The following CLCN1 variants were observed in gnomAD, a reference collection of about 807,000 sequenced individuals.
The protein encoded by CLCN1 is chloride voltage-gated channel 1.
Under a neutral mutation model 114.5 loss-of-function variants are expected in CLCN1, and 100 were observed. The ratio of observed to expected loss-of-function variants is 0.87; its 90% CI spans 0.74 to 1.03. The LOEUF (loss-of-function observed/expected upper bound fraction) is 1.03. Among genes scored for constraint, CLCN1 ranks in the 50% least tolerant of loss-of-function variants. CLCN1 has a pLI of 0.00. For synonymous variants in CLCN1, 485 were observed against 487.1 expected, an observed-to-expected ratio of 1.00 and a Z score of 0.06; for missense variants, 1,188 against 1,250.0, an observed-to-expected ratio of 0.95 and a Z score of 0.75.
chr7:143,316,364 GC>G lies in CLCN1; in HGVS notation c.157del (p.Arg53AlafsTer24). On this transcript the variant is annotated frameshift_variant, in exon 1 of 23. Coordinates refer to ENST00000343257, the MANE Select transcript of CLCN1 (RefSeq NM_000083.3). LOFTEE classifies it high-confidence loss of function. ...GLQHRLRKDAGPRHNVHPTQI... is the reference protein window; with the variant it reads ...GLQHRLRKDAXPRHNVHPTQI... ...CAGCACAGGCTCCGGAAGGATGCAGGCCCCCGCCACAACGTCCACCCCACAC... is the reference window on the plus strand; with the variant it reads ...CAGCACAGGCTCCGGAAGGATGCAGGCCCCGCCACAACGTCCACCCCACAC... 6.4e-7 allele frequency: 1 copy of G among 1,566,658 alleles called. No homozygotes were observed.
In CLCN1 at chr7:143,330,799, C is replaced by T; in HGVS notation, c.881C>T (p.Ser294Phe). 6.2e-7 allele frequency: 1 copy of T among 1,614,196 alleles called. No homozygotes were observed. Among genetic ancestry groups the T allele is most frequent in the African/African-American group, 1.3e-5 (1 of 75,050 alleles). Residue 294 changes from serine (S) to phenylalanine (F), a missense_variant, in exon 8 of 23, where the codon TCC becomes TTC. Transcript: ENST00000343257. ...GTGCTATTTAGCATCGAGGTCACCT[C>T]CACCTACTTTGCTGTTCGGAACTAC... ...GGVLFSIEVT[S>F]TYFAVRNYWR...
intron 6 of CLCN1, chr7:143,323,601 C>T: frequency 2.9e-6 from 2 of 681,946 alleles, no homozygotes; most frequent in Non-Finnish European, 5.5e-6. Context: ...ATGTCCACCC[C>T]TCTTTCACCT....
At chr7:143,335,343 CAT>C (rs1355765660) in intron 12 of CLCN1, among the ~76,000 whole-genome samples, 1 of 152,116 alleles carries the variant, frequency 6.6e-6, no homozygotes, top group African/African-American at 2.4e-5. Flanking sequence ...GGAAAAGAAA[CAT>C]ATACTTCCTG....
chr7:143,320,609 G>A, intron 2 of CLCN1, 55 bp from the exon 3 acceptor site: 1 of 1,172,366 alleles, frequency 8.5e-7, no homozygotes, highest in East Asian at 2.5e-5. Context: ...ATATATTTTT[G>A]TTTGTTTGTT....
At chr7:143,349,631 AC>A (rs1803343108) in intron 20 of CLCN1, among the ~76,000 whole-genome samples, 1 of 152,198 alleles carries the variant, frequency 6.6e-6, no homozygotes, top group African/African-American at 2.4e-5. Flanking sequence ...AAACAAACAA[AC>A]AAAAACTGGC....
intron 14 of CLCN1, 58 bp from the exon 15 acceptor site, chr7:143,341,871 G>A: frequency 7.3e-7 from 1 of 1,369,562 alleles, no homozygotes; most frequent in Non-Finnish European, 1.0e-6. Context: ...ATCCCCATAT[G>A]TCCTTCATGC....
chr7:143,321,545 C>G lies in CLCN1; in HGVS notation c.562+52C>G. On this transcript the variant is annotated intron_variant, in intron 4 of 22. Transcript: ENST00000343257. This position sits in a 1 kb window ranked among gnomAD's most constrained non-coding sequence, Gnocchi z 4.2. ...TGAGCTGGGTGGCCTGAGAGGGGCC[C>G]TGTCTGTCTCCCCCATCATCCAGCC... The G allele has an allele frequency of 6.2e-7, 1 of 1,613,114 alleles. No homozygotes were observed. The highest frequency in any genetic ancestry group is 8.5e-7 in the Non-Finnish European group (1 of 1,179,784).
chr7:143,339,324 T>C lies in CLCN1; in HGVS notation c.1471+2T>C. The C allele has an allele frequency of 6.2e-7, 1 of 1,609,962 alleles. No individual in the cohort carries two copies. Among genetic ancestry groups the C allele is most frequent in the Non-Finnish European group, 8.5e-7 (1 of 1,176,192 alleles). On this transcript the variant is annotated splice_donor_variant, in intron 13 of 22. Transcript: ENST00000343257. LOFTEE classifies it high-confidence loss of function. This position sits in a 1 kb window ranked among gnomAD's most constrained non-coding sequence, Gnocchi z 4.1. ...GCTTCATGCCTGTGTTTGTGCTAGG[T>C]AAGTTCTGATGGGAAGCCTGGGGTC...
At chr7:143,349,563 G>A (rs796478121) in intron 20 of CLCN1, among the ~76,000 whole-genome samples, 17 of 152,346 alleles carry the variant, frequency 1.1e-4, no homozygotes, top group African/African-American at 3.8e-4. Context: ...TTTGGTGTGC[G>A]TATCTAAAGT....
rs531170313 is a variant in CLCN1 at position 143,325,560 on chromosome 7, G to A, written c.853+1068G>A. On this transcript the variant is annotated intron_variant, in intron 7 of 22. Coordinates refer to ENST00000343257, the MANE Select transcript of CLCN1 (RefSeq NM_000083.3). ...AAATCACTAATCCTTGTCAGTGGAG[G>A]ATAGTGTATTTGGATTTTTGCACAT... Among the ~76,000 whole-genome samples, 4 of 152,314 alleles carry A rather than the reference G, an allele frequency of 2.6e-5. No homozygotes were observed. The South Asian group carries it at 8.3e-4, about 32-fold the overall frequency.
chr7:143,335,020 C>T (rs753378293), intron 12 of CLCN1, among the ~76,000 whole-genome samples: 1 of 152,146 alleles, frequency 6.6e-6, no homozygotes, highest in Non-Finnish European at 1.5e-5. Context: ...GGACGGTAGT[C>T]CAATGATGAT....
Position 143,342,376 on chromosome 7 carries a change from T to C in CLCN1, c.1801T>C (p.Tyr601His), listed in dbSNP as rs545129217. The C allele has an allele frequency of 1.2e-6, 2 of 1,614,142 alleles. No individual in the cohort carries two copies. Among genetic ancestry groups the C allele is most frequent in the East Asian group, 2.2e-5 (1 of 44,888 alleles). The part of the protein sequence containing the change: ...PDLGWNQLSK[Y>H]TIFVEDIMVR... Reference sequence around the variant, plus strand: ...CCATGCTTTCTCCCTCCATAGCAAATATACCATCTTTGTTGAGGACATCAT... The same window carrying C: ...CCATGCTTTCTCCCTCCATAGCAAACATACCATCTTTGTTGAGGACATCAT... The change falls in exon 16 of 23, where the codon TAT (tyrosine) becomes CAT (histidine). Residue 601 changes from tyrosine to histidine, a missense_variant. Coordinates refer to ENST00000343257, the MANE Select transcript of CLCN1 (RefSeq NM_000083.3).
intron 14 of CLCN1, among the ~76,000 whole-genome samples, chr7:143,341,338 C>G (rs1310656795): frequency 6.6e-6 from 1 of 152,052 alleles, no homozygotes; most frequent in African/African-American, 2.4e-5. Flanking sequence ...GCAGGCAGAT[C>G]ACTTGAGGCC....
At position 143,320,684 on chromosome 7, in the gene CLCN1, C is replaced by G; in HGVS notation, c.322C>G (p.Gln108Glu). 1 of 1,613,294 alleles carries G rather than the reference C, an allele frequency of 6.2e-7. No individual in the cohort carries two copies. Among genetic ancestry groups the G allele is most frequent in the Non-Finnish European group, 8.5e-7 (1 of 1,179,622 alleles). ...CCTAGATTGTATCCACCGCCTGGGACAGGTGGTGAGAAGAAAATTAGGGGA... is the reference window on the plus strand; with the variant it reads ...CCTAGATTGTATCCACCGCCTGGGAGAGGTGGTGAGAAGAAAATTAGGGGA... The part of the protein sequence containing the change: ...KCQDCIHRLG[Q>E]VVRRKLGEDG... The change falls in exon 3 of 23, where the codon CAG (glutamine) becomes GAG (glutamate). Residue 108 changes from glutamine to glutamate, a missense_variant. Transcript: ENST00000343257.
intron 1 of CLCN1, among the ~76,000 whole-genome samples, chr7:143,318,294 C>T (rs2116832383): frequency 6.6e-6 from 1 of 152,270 alleles, no homozygotes; most frequent in Non-Finnish European, 1.5e-5. Flanking sequence ...GCGATCTCAG[C>T]TCACCGCAAT....
rs1803111906 is a variant in CLCN1 at position 143,342,494 on chromosome 7, T to G, written c.1919T>G (p.Val640Gly). The change falls in exon 16 of 23, where the codon GTT becomes GGT. Residue 640 changes from valine (V) to glycine (G), a missense_variant. Val to Gly is a moderately radical substitution (Grantham distance 109). Coordinates refer to ENST00000343257, the MANE Select transcript of CLCN1 (RefSeq NM_000083.3). Reference sequence around the variant, plus strand: ...ACCACAGTCAAGACTTTACCACTGGTTGACTCAAAAGGTCAGTGGGGAGGA... The same window carrying G: ...ACCACAGTCAAGACTTTACCACTGGGTGACTCAAAAGGTCAGTGGGGAGGA... ...QTTTVKTLPL[V>G]DSKDSMILLG... The G allele has an allele frequency of 1.2e-6, 2 of 1,614,162 alleles. No individual in the cohort carries two copies. Among genetic ancestry groups the G allele is most frequent in the Non-Finnish European group, 1.7e-6 (2 of 1,180,032 alleles).
Position 143,338,809 on chromosome 7 carries a change from G to GAA in CLCN1, c.1402-433_1402-432dup, listed in dbSNP as rs1409666664. Among the ~76,000 whole-genome samples the GAA allele has an allele frequency of 5.8e-3, 773 of 132,510 alleles. 9 individuals are homozygous for GAA. The highest frequency in any genetic ancestry group is 0.02 in the African/African-American group (745 of 36,570). The allele number at this position is 132,510 out of a possible 152,430, so 86.9% of individuals were successfully genotyped here. ...ACCCTGTCTCAAAAAAAAAAAAAAAGAAAAAAAAAAAACCGGAGCGCCTTT... is the reference window on the plus strand; with the variant it reads ...ACCCTGTCTCAAAAAAAAAAAAAAAGAAAAAAAAAAAAAACCGGAGCGCCTTT... On this transcript the variant is annotated intron_variant, in intron 12 of 22. Transcript: ENST00000343257.
chr7:143,327,803 G>A (rs116832192), intron 7 of CLCN1, among the ~76,000 whole-genome samples: 2,913 of 152,152 alleles, frequency 0.019, 85 homozygotes, highest in African/African-American at 0.067. Context: ...ACATGCGCAC[G>A]CCACTATGCC....
chr7:143,337,922 G>A (rs1259738182), intron 12 of CLCN1, among the ~76,000 whole-genome samples: 4 of 139,280 alleles, frequency 2.9e-5, no homozygotes, highest in African/African-American at 5.4e-5. Context: ...CAACTCCCGG[G>A]TTCACGCCAT....
Sources: gnomAD v4.1 joint callset for allele counts (sites outside exome capture counted in the v4.1 genomes callset) on GRCh38, gnomAD v4.1.1 for gene constraint, Gnocchi (gnomAD v3.1) non-coding constraint, MANE v1.5 for transcripts, NCBI Gene and HGNC (gene_info 2026-07-23, HGNC 2026-07-21) for gene names.